Variants in HYDIN observed in about 807,000 individuals in gnomAD.
The protein encoded by HYDIN is axonemal central pair apparatus protein HYDIN.
In HYDIN, 132 loss-of-function variants were observed where a neutral mutation model predicts 403.9. The observed-to-expected ratio is 0.33, with a 90% CI of 0.28 to 0.38. HYDIN has a LOEUF of 0.38. Among genes scored for constraint, HYDIN ranks in the 10% least tolerant of loss-of-function variants. The pLI, the probability that HYDIN is intolerant of heterozygous loss-of-function variation, is 1.00. For missense variants in HYDIN, 2,827 were observed against 5,009.5 expected (o/e 0.56, Z 13.15); for synonymous variants, 1,202 against 1,891.7 (o/e 0.64, Z 9.46).
In HYDIN at chr16:70,943,874, C is replaced by T. The variant is rs762961047; in HGVS notation, c.6607G>A (p.Gly2203Arg). The change falls in exon 42 of 86, where the codon GGG becomes AGG. Residue 2203 changes from glycine (G) to arginine (R), a missense_variant. Physicochemically the swap from Gly to Arg is moderately radical, Grantham distance 125. Transcript: ENST00000393567. ...SVSPSVGGET[G>R]LMSCVLPDEL... ...TCCGGGAGCACACAGCTCATCAGCC[C>T]GGTCTCGCCTCCGACACTGGGACTA... is the stretch of plus-strand genomic sequence containing the variant. The T allele has an allele frequency of 1.4e-5, 22 of 1,613,696 alleles. No individual in the cohort carries two copies. Among genetic ancestry groups the T allele is most frequent in the East Asian group, 1.3e-4 (6 of 44,872 alleles).
intron 68 of HYDIN, 23 bp downstream of exon 68, chr16:70,863,062 G>T (rs1174609914): frequency 6.2e-7 from 1 of 1,613,250 alleles, no homozygotes; most frequent in African/African-American, 1.3e-5. Context: ...CAGGCCCTGG[G>T]TTTTACTTGC....
At position 70,879,470 on chromosome 16, in the gene HYDIN, G is replaced by T. The variant is rs759979523; in HGVS notation, c.10384C>A (p.Arg3462=). ...DGLPSTLAKS[R]GLVFDIAGEG... is the part of the protein sequence containing the mutation. ...CCAGCGATGTCAAACACGAGGCCTC[G>T]GCTCTTGGCCAGGGTGCTGTAGGGG... is the stretch of plus-strand genomic sequence containing the variant. Residue 3462 remains arginine (R), a synonymous_variant, in exon 62 of 86, where the codon CGA becomes AGA. Coordinates refer to ENST00000393567, the MANE Select transcript of HYDIN (RefSeq NM_001270974.2). 6.2e-6 allele frequency: 10 copies of T among 1,613,548 alleles called. No homozygotes were observed. Among genetic ancestry groups the T allele is most frequent in the South Asian group, 2.2e-5 (2 of 90,978 alleles).
chr16:70,851,099 A>G (rs1156391617), intron 73 of HYDIN, among the ~76,000 whole-genome samples: 1 of 151,904 alleles, frequency 6.6e-6, no homozygotes, highest in African/African-American at 2.4e-5. Context: ...AAAACGTAGA[A>G]AACACCATCG....
At chr16:70,967,726 T>C (rs2078623002) in intron 36 of HYDIN, among the ~76,000 whole-genome samples, 1 of 152,188 alleles carries the variant, frequency 6.6e-6, no homozygotes, top group African/African-American at 2.4e-5. Context: ...GACCTTGTGA[T>C]CCACCCGCCT....
intron 75 of HYDIN, among the ~76,000 whole-genome samples, chr16:70,842,290 A>G (rs945348635): frequency 5.3e-4 from 80 of 152,198 alleles, no homozygotes; most frequent in African/African-American, 1.8e-3. Flanking sequence ...AGGTACTGTA[A>G]TCTCCAACTA....
At chr16:71,223,799 T>C (rs913902488) in intron 1 of HYDIN, among the ~76,000 whole-genome samples, 4 of 152,114 alleles carry the variant, frequency 2.6e-5, no homozygotes, top group Non-Finnish European at 5.9e-5. Context: ...CTTGCAAGAA[T>C]GGCCATAATT....
chr16:70,810,406 A>G (rs1163629006), intron 84 of HYDIN, among the ~76,000 whole-genome samples: 1 of 152,268 alleles, frequency 6.6e-6, no homozygotes, highest in Admixed American at 6.5e-5. Flanking sequence ...GGCGAAACAA[A>G]GCAAGAACAG....
chr16:71,170,225 A>G (rs146650977), intron 5 of HYDIN, among the ~76,000 whole-genome samples: 84 of 152,356 alleles, frequency 5.5e-4, no homozygotes, highest in African/African-American at 2.0e-3. Flanking sequence ...TGGTGAGGGA[A>G]AGTTTTGGTT....
At chr16:70,908,000 C>T (rs2076581976) in intron 49 of HYDIN, among the ~76,000 whole-genome samples, 1 of 152,138 alleles carries the variant, frequency 6.6e-6, no homozygotes, top group Admixed American at 6.5e-5. Flanking sequence ...AACTAATTTG[C>T]CAAAGGAAGA....
intron 39 of HYDIN, among the ~76,000 whole-genome samples, chr16:70,956,822 C>T (rs2078254760): frequency 6.6e-6 from 1 of 151,754 alleles, no homozygotes; most frequent in Admixed American, 6.6e-5. Context: ...TTATGTGAAG[C>T]CATGAAGTCT....
chr16:71,064,739 T>C lies in HYDIN; in HGVS notation c.2177A>G (p.Asp726Gly), dbSNP rs140875580. 2.7e-3 allele frequency: 4,374 copies of C among 1,614,114 alleles called. 7 individuals carry two copies. The highest frequency in any genetic ancestry group is 3.2e-3 in the Non-Finnish European group (3,809 of 1,180,008). ...GACCTCATAGAATCCTGGGAGGTCATCTTGATTGGCAAGCTGGAGTGTTTT... is the reference window on the plus strand; with the variant it reads ...GACCTCATAGAATCCTGGGAGGTCACCTTGATTGGCAAGCTGGAGTGTTTT... ...YEKTLQLANQ[D>G]DLPGFYEVQP... Residue 726 changes from aspartate to glycine, a missense_variant, in exon 16 of 86, where the codon GAT becomes GGT. Transcript: ENST00000393567.
rs1253233992 is a variant in HYDIN, at chr16:70,889,676, G to A, written c.9685C>T (p.Arg3229Ter). The A allele has an allele frequency of 7.8e-6, 5 of 640,094 alleles. No individual in the cohort carries two copies. The highest frequency in any genetic ancestry group is 3.6e-5 in the South Asian group (2 of 56,094). 39.7% of individuals were successfully genotyped at this position (640,094 alleles called of 1,614,324 possible). ...GTTTTGTAGAAGCTCTCACTTTCTC[G>A]GGATCTTGCATGTCTGACGTGGCTG... ...AASHVRHARS[R>*]ESESFYKTGS... The change falls in exon 58 of 86, where the codon CGA becomes TGA. Residue 3229 changes from arginine to a stop codon, truncating the protein, a stop_gained. Coordinates refer to ENST00000393567, the MANE Select transcript of HYDIN (RefSeq NM_001270974.2). LOFTEE classifies it high-confidence loss of function.
At position 71,027,305 on chromosome 16, in the gene HYDIN, C is replaced by T. The variant is rs570497365; in HGVS notation, c.3042+297G>A. ...TGCTAAGTGTTAATAGGAGAATTTG[C>T]TTTGGCTAAAAACTGGGTGTTTTTC... On this transcript the variant is annotated intron_variant, in intron 20 of 85. Transcript: ENST00000393567. 2,088 of 1,302,010 alleles carry T rather than the reference C, an allele frequency of 1.6e-3. 3 individuals are homozygous for T. The highest frequency in any genetic ancestry group is 2.5e-3 in the Admixed American group (67 of 27,210). The allele number at this position is 1,302,010 out of a possible 1,614,324, so 80.7% of individuals were successfully genotyped here.
Position 70,895,847 on chromosome 16 carries a change from C to T in HYDIN, c.9148+134G>A, listed in dbSNP as rs1020381575. 3.4e-5 allele frequency: 48 copies of T among 1,400,534 alleles called. No homozygotes were observed. The African/African-American group carries it at 7.1e-4, about 21-fold the overall frequency. 86.8% of individuals were successfully genotyped at this position (1,400,534 alleles called of 1,614,324 possible). On this transcript the variant is annotated intron_variant, in intron 54 of 85. Transcript: ENST00000393567. ...GCTGCTAATATCACTCTGGGGCTCA[C>T]ATTATTATTTATTAAAATTGCCCCA...
At chr16:71,068,707 CAGACAAAACA>C (rs2082356047) in intron 14 of HYDIN, among the ~76,000 whole-genome samples, 1 of 152,218 alleles carries the variant, frequency 6.6e-6, no homozygotes, top group Non-Finnish European at 1.5e-5. Flanking sequence ...ATCCTGATTG[CAGACAAAACA>C]TGGAAGGATG....
rs1596992675 is a variant in HYDIN at position 70,803,415 on chromosome 16, C to G, written c.*4165G>C. Among the ~76,000 whole-genome samples, 2 of 152,218 alleles carry G rather than the reference C, an allele frequency of 1.3e-5. No homozygotes were observed. The highest frequency in any genetic ancestry group is 2.9e-5 in the Non-Finnish European group (2 of 68,036). On this transcript the variant is annotated 3_prime_UTR_variant, in exon 86 of 86. Transcript: ENST00000393567. ...TGCCTTCCACCCTTGTTCCTCTTCTCTGACCTGTGACCATTCCTGTTGAAA... is the reference window on the plus strand; with the variant it reads ...TGCCTTCCACCCTTGTTCCTCTTCTGTGACCTGTGACCATTCCTGTTGAAA...
intron 52 of HYDIN, among the ~76,000 whole-genome samples, chr16:70,901,913 C>T (rs1279826804): frequency 1.3e-5 from 2 of 152,132 alleles, no homozygotes; most frequent in Non-Finnish European, 2.9e-5. Context: ...ATTGCAGTTT[C>T]TCTTTCATGT....
At position 71,192,608 on chromosome 16, in the gene HYDIN, ATT is replaced by A. The variant is rs373186815; in HGVS notation, c.-23-5692_-23-5691del. 3.5e-4 allele frequency among the ~76,000 whole-genome samples: 54 copies of A among 152,158 alleles called. No homozygotes were observed. The East Asian group carries it at 9.7e-3, about 27-fold the overall frequency. ...TCCCACCCCATGGCAGCTAATTCCCATTTGTCTTTCCAGATTCAGCTGTCACC... is the reference window on the plus strand; with the variant it reads ...TCCCACCCCATGGCAGCTAATTCCCATGTCTTTCCAGATTCAGCTGTCACC... On this transcript the variant is annotated intron_variant, in intron 1 of 85. Transcript: ENST00000393567.
intron 37 of HYDIN, among the ~76,000 whole-genome samples, chr16:70,964,233 G>T: frequency 6.7e-6 from 1 of 149,754 alleles, no homozygotes; most frequent in East Asian, 2.0e-4. Flanking sequence ...TCTTCTGCTT[G>T]TGTGAATGCC....
Sources: gnomAD v4.1 joint callset for allele counts (sites outside exome capture counted in the v4.1 genomes callset) on GRCh38, gnomAD v4.1.1 for gene constraint, MANE v1.5 for transcripts, NCBI Gene and HGNC (gene_info 2026-07-23, HGNC 2026-07-21) for gene names.